ERC2: variants seen among roughly 807,000 people sequenced by gnomAD.
The protein encoded by ERC2 is ERC protein 2.
Under a neutral mutation model 114.8 loss-of-function variants are expected in ERC2, and 42 were observed. That is an observed-to-expected ratio of 0.37 (90% CI 0.29 to 0.47). ERC2 has a LOEUF of 0.47. Among genes scored for constraint, ERC2 ranks in the 20% least tolerant of loss-of-function variants. The probability of loss-of-function intolerance (pLI) is 0.99; values close to 1 mark genes in which losing one functional copy is unlikely to be tolerated. For synonymous variants in ERC2, 454 were observed against 425.5 expected (o/e 1.07, Z -0.82); for missense variants, 939 against 1,150.7 (o/e 0.82, Z 2.66).
intron 14 of ERC2, among the ~76,000 whole-genome samples, chr3:55,862,416 C>T (rs1484874172): frequency 6.6e-6 from 1 of 152,080 alleles, no homozygotes; most frequent in Non-Finnish European, 1.5e-5. Context: ...CTTATACTTC[C>T]TCCCGTTGGG....
intron 13 of ERC2, among the ~76,000 whole-genome samples, chr3:55,915,228 T>C (rs1160489382): frequency 2.6e-5 from 4 of 152,134 alleles, no homozygotes; most frequent in African/African-American, 4.8e-5. Context: ...AAATAAAATA[T>C]AGTGATTTTA....
At chr3:55,711,428 C>G (rs1481832332) in intron 15 of ERC2, among the ~76,000 whole-genome samples, 1 of 152,162 alleles carries the variant, frequency 6.6e-6, no homozygotes, top group Non-Finnish European at 1.5e-5. Context: ...TTAATGCAAG[C>G]ACAGACACAC....
At chr3:55,853,528 A>G (rs1016519729) in intron 14 of ERC2, among the ~76,000 whole-genome samples, 1 of 152,034 alleles carries the variant, frequency 6.6e-6, no homozygotes, top group Non-Finnish European at 1.5e-5. Context: ...CCCTGTCTCA[A>G]ATAAACAAAG....
At chr3:55,890,386 C>T (rs963516559) in intron 13 of ERC2, among the ~76,000 whole-genome samples, 7 of 152,110 alleles carry the variant, frequency 4.6e-5, no homozygotes, top group East Asian at 3.9e-4. Context: ...TGTCATAAAT[C>T]GTTCTTTATT....
intron 17 of ERC2, among the ~76,000 whole-genome samples, chr3:55,598,354 C>A (rs1482352182): frequency 6.6e-6 from 1 of 152,240 alleles, no homozygotes; most frequent in African/African-American, 2.4e-5. Flanking sequence ...GGAGGAATCA[C>A]TGTGTGACCT....
intron 2 of ERC2, among the ~76,000 whole-genome samples, chr3:56,340,876 A>G (rs919301776): frequency 6.6e-6 from 1 of 152,122 alleles, no homozygotes; most frequent in Non-Finnish European, 1.5e-5. Flanking sequence ...AAAACAGTAA[A>G]AGGAGAAAGA....
intron 2 of ERC2, among the ~76,000 whole-genome samples, chr3:56,308,259 TAC>T (rs557227772): frequency 8.9e-4 from 136 of 152,350 alleles, no homozygotes; most frequent in African/African-American, 3.1e-3. Flanking sequence ...CAGCCAATTC[TAC>T]AGTCTCCCCT....
chr3:55,836,435 T>C lies in ERC2; in HGVS notation c.2564+51954A>G, dbSNP rs181898669. ...AGATCAATGGAACAGAACAGAACCCTCAGAAATAATGCCGCTTATCTACAA... is the reference window on the plus strand; with the variant it reads ...AGATCAATGGAACAGAACAGAACCCCCAGAAATAATGCCGCTTATCTACAA... On this transcript the variant is annotated intron_variant, in intron 14 of 17. Coordinates refer to ENST00000288221, the MANE Select transcript of ERC2 (RefSeq NM_015576.3). 7.7e-4 allele frequency among the ~76,000 whole-genome samples: 117 copies of C among 152,208 alleles called. 1 individual carries two copies. The highest frequency in any genetic ancestry group is 2.3e-3 in the Admixed American group (35 of 15,280).
intron 17 of ERC2, among the ~76,000 whole-genome samples, chr3:55,614,176 G>C (rs919672163): frequency 6.6e-6 from 1 of 151,974 alleles, no homozygotes; most frequent in Non-Finnish European, 1.5e-5. Flanking sequence ...TCTGGAAAGG[G>C]CTCTTTTAGG....
chr3:55,613,079 A>G (rs1213025705), intron 17 of ERC2: 2 of 152,222 alleles, frequency 1.3e-5, no homozygotes, highest in African/African-American at 4.8e-5. Context: ...ATGTCTAGAA[A>G]TAAATGTACT....
intron 17 of ERC2, among the ~76,000 whole-genome samples, chr3:55,677,054 C>T (rs1366904783): frequency 5.9e-5 from 9 of 152,186 alleles, no homozygotes; most frequent in Admixed American, 5.9e-4. Flanking sequence ...CCTTGGCCCC[C>T]AAGTCCATCA....
chr3:55,690,158 A>T (rs1304121208), intron 16 of ERC2, among the ~76,000 whole-genome samples: 1 of 152,164 alleles, frequency 6.6e-6, no homozygotes, highest in East Asian at 1.9e-4. Flanking sequence ...AATTTTTAAA[A>T]TGCTATTGGT....
intron 17 of ERC2, among the ~76,000 whole-genome samples, chr3:55,629,515 T>A (rs1250514552): frequency 6.6e-6 from 1 of 152,262 alleles, no homozygotes; most frequent in Non-Finnish European, 1.5e-5. Flanking sequence ...TTGCTTCTTG[T>A]TACTTTTGAA....
chr3:55,747,696 G>A (rs2066396714), intron 14 of ERC2, among the ~76,000 whole-genome samples: 1 of 152,220 alleles, frequency 6.6e-6, no homozygotes, highest in Non-Finnish European at 1.5e-5. Context: ...CATTGCCTTT[G>A]CAAAGTTTCA....
rs535340415 is a variant in ERC2, at chr3:55,512,638, C to T, written c.*40-1362G>A. On this transcript the variant is annotated intron_variant, in intron 17 of 17. Transcript: ENST00000288221. ...TTGTTTTACAGATGAAAAATAATTA[C>T]AGTGAATGTCTGATGTCCTTGATGT... Among the ~76,000 whole-genome samples the T allele has an allele frequency of 3.3e-5, 5 of 151,454 alleles. No individual in the cohort carries two copies. The South Asian group carries it at 1.0e-3, about 31-fold the overall frequency.
intron 4 of ERC2, among the ~76,000 whole-genome samples, chr3:56,162,987 T>C (rs1200726716): frequency 3.3e-5 from 5 of 152,040 alleles, no homozygotes; most frequent in Admixed American, 2.6e-4. Flanking sequence ...TTCTAACTTT[T>C]TGAGATAGGC....
intron 2 of ERC2, among the ~76,000 whole-genome samples, chr3:56,404,317 T>A (rs1269257378): frequency 6.6e-6 from 1 of 152,330 alleles, no homozygotes; most frequent in East Asian, 1.9e-4. Context: ...ATCTTTTCTG[T>A]CTCATCCCTA....
intron 6 of ERC2, among the ~76,000 whole-genome samples, chr3:56,137,547 G>A (rs1368633085): frequency 6.6e-6 from 1 of 152,136 alleles, no homozygotes; most frequent in Non-Finnish European, 1.5e-5. Context: ...TCAGCTTTGT[G>A]GGCCATACAA....
chr3:55,900,620 G>A (rs1165299454), intron 13 of ERC2, among the ~76,000 whole-genome samples: 1 of 152,174 alleles, frequency 6.6e-6, no homozygotes, highest in Non-Finnish European at 1.5e-5. Context: ...CTCCAAGCCT[G>A]ATACCTCAGG....
Sources: gnomAD v4.1 joint callset for allele counts (sites outside exome capture counted in the v4.1 genomes callset) on GRCh38, gnomAD v4.1.1 for gene constraint, MANE v1.5 for transcripts, NCBI Gene and HGNC (gene_info 2026-07-23, HGNC 2026-07-21) for gene names.